The following UNC5D variants were observed in gnomAD, a reference collection of about 807,000 sequenced individuals.
The protein encoded by UNC5D is unc-5 netrin receptor D, also known as netrin receptor UNC5D.
In UNC5D, 39 loss-of-function variants were observed where a neutral mutation model predicts 105.4. The ratio of observed to expected loss-of-function variants is 0.37; its 90% confidence interval spans 0.29 to 0.48. UNC5D has a LOEUF of 0.48. Among genes scored for constraint, UNC5D ranks in the 20% least tolerant of loss-of-function variants. UNC5D has a pLI of 0.98. For synonymous variants in UNC5D, 452 were observed against 450.4 expected (o/e 1.00, Z -0.04); for missense variants, 991 against 1,202.4 (o/e 0.82, Z 2.60).
intron 4 of UNC5D, among the ~76,000 whole-genome samples, chr8:35,600,277 CTT>C (rs1819777110): frequency 6.6e-6 from 1 of 152,148 alleles, no homozygotes; most frequent in African/African-American, 2.4e-5. Flanking sequence ...GCACATGTGT[CTT>C]TATAGCAGAA....
At chr8:35,458,418 G>A (rs1195232205) in intron 1 of UNC5D, among the ~76,000 whole-genome samples, 1 of 152,132 alleles carries the variant, frequency 6.6e-6, no homozygotes, top group Admixed American at 6.6e-5. Context: ...AGTTGCAATA[G>A]TGCTCCCATT....
chr8:35,668,357 T>C (rs1318821856), intron 4 of UNC5D, among the ~76,000 whole-genome samples: 1 of 152,148 alleles, frequency 6.6e-6, no homozygotes, highest in Non-Finnish European at 1.5e-5. Flanking sequence ...GAATGCAGAA[T>C]ATATTTAATA....
rs778872436 is a variant in UNC5D, at chr8:35,726,109, T to A, written c.1304-43T>A. 5.1e-6 allele frequency: 8 copies of A among 1,571,568 alleles called. No homozygotes were observed. The East Asian group carries it at 1.6e-4, about 31-fold the overall frequency. The stretch of plus-strand genomic sequence containing the variant: ...GGCAGAAGTACAGGAGTAACTGAGA[T>A]GCCTTTTAGTTTCTGAGTGACAGAT... On this transcript the variant is annotated intron_variant, in intron 9 of 16. Transcript: ENST00000404895.
chr8:35,536,018 G>C (rs1814807567), intron 1 of UNC5D, among the ~76,000 whole-genome samples: 2 of 152,258 alleles, frequency 1.3e-5, no homozygotes, highest in South Asian at 4.1e-4. Flanking sequence ...TTTGAATCTA[G>C]CTCTGTCTTA....
At chr8:35,271,423 ATATG>A (rs1322915246) in intron 1 of UNC5D, among the ~76,000 whole-genome samples, 37 of 136,062 alleles carry the variant, frequency 2.7e-4, no homozygotes, top group Admixed American at 5.8e-4. Context: ...ATACACACAC[ATATG>A]TGTGTGTATG....
At chr8:35,567,933 G>T (rs1343374396) in intron 2 of UNC5D, among the ~76,000 whole-genome samples, 165 bp from the exon 3 acceptor site, 1 of 152,204 alleles carries the variant, frequency 6.6e-6, no homozygotes, top group African/African-American at 2.4e-5. Flanking sequence ...CTCAGCTGTT[G>T]AAATTTAATT....
At chr8:35,354,672 C>T (rs966133700) in intron 1 of UNC5D, among the ~76,000 whole-genome samples, 1 of 152,070 alleles carries the variant, frequency 6.6e-6, no homozygotes, top group South Asian at 2.1e-4. Flanking sequence ...TCTTAGTTTA[C>T]TTATGATTTT....
At chr8:35,465,047 G>A (rs1809197900) in intron 1 of UNC5D, among the ~76,000 whole-genome samples, 1 of 152,100 alleles carries the variant, frequency 6.6e-6, no homozygotes, top group South Asian at 2.1e-4. Flanking sequence ...ATCTCCTCCA[G>A]TCTACCATAC....
intron 13 of UNC5D, among the ~76,000 whole-genome samples, chr8:35,752,685 A>G (rs1478297195): frequency 3.3e-5 from 5 of 152,242 alleles, no homozygotes; most frequent in South Asian, 2.1e-4. Context: ...GAGAAAATAT[A>G]TAACAGATAT....
chr8:35,525,303 T>C, intron 1 of UNC5D: 6 of 1,612,222 alleles, frequency 3.7e-6, no homozygotes, highest in Non-Finnish European at 5.1e-6. Context: ...ACTCCCCTCT[T>C]TGCCTTTACA....
intron 1 of UNC5D, among the ~76,000 whole-genome samples, chr8:35,342,074 TTAAG>T (rs1811492879): frequency 1.3e-5 from 2 of 152,102 alleles, no homozygotes; most frequent in Admixed American, 6.6e-5. Flanking sequence ...GTGGATGCAT[TTAAG>T]TAATTTCTCC....
intron 1 of UNC5D, among the ~76,000 whole-genome samples, chr8:35,517,578 G>C (rs1303988980): frequency 6.6e-6 from 1 of 152,168 alleles, no homozygotes; most frequent in Non-Finnish European, 1.5e-5. Flanking sequence ...TCGATGCCAT[G>C]AGCTTGCAGA....
chr8:35,774,535 T>C (rs1400584574), intron 16 of UNC5D, 58 bp downstream of exon 16: 2 of 1,585,832 alleles, frequency 1.3e-6, no homozygotes, highest in Non-Finnish European at 1.7e-6. Context: ...AAACATAAAG[T>C]GGGCTAAGTG....
At chr8:35,412,064 T>G (rs1217420222) in intron 1 of UNC5D, among the ~76,000 whole-genome samples, 5 of 152,032 alleles carry the variant, frequency 3.3e-5, no homozygotes, top group Admixed American at 6.6e-5. Flanking sequence ...TTACCTGACT[T>G]TTTAAAAATC....
intron 3 of UNC5D, among the ~76,000 whole-genome samples, chr8:35,589,750 A>G (rs934647101): frequency 1.3e-5 from 2 of 152,182 alleles, no homozygotes; most frequent in African/African-American, 2.4e-5. Flanking sequence ...GAATCATACA[A>G]TAAGTGGACT....
intron 7 of UNC5D, among the ~76,000 whole-genome samples, chr8:35,691,552 A>G (rs1826393211): frequency 6.6e-6 from 1 of 152,208 alleles, no homozygotes; most frequent in African/African-American, 2.4e-5. Context: ...TTTTGGGGCA[A>G]TAACAGTGAA....
intron 4 of UNC5D, among the ~76,000 whole-genome samples, chr8:35,609,462 A>G (rs1250761418): frequency 6.6e-6 from 1 of 152,216 alleles, no homozygotes; most frequent in African/African-American, 2.4e-5. Context: ...GAATGAGAGA[A>G]GAAAGCTAAG....
At chr8:35,304,588 ATG>A (rs1395663381) in intron 1 of UNC5D, among the ~76,000 whole-genome samples, 18 of 152,180 alleles carry the variant, frequency 1.2e-4, no homozygotes, top group African/African-American at 3.6e-4. Context: ...GTATGCGTGC[ATG>A]TGTGTGTTTT....
intron 1 of UNC5D, among the ~76,000 whole-genome samples, chr8:35,463,120 G>T (rs1253153132): frequency 6.6e-6 from 1 of 152,102 alleles, no homozygotes; most frequent in Non-Finnish European, 1.5e-5. Context: ...TTTCCAATTG[G>T]ATTTGTGTCT....
Sources: gnomAD v4.1 joint callset for allele counts (sites outside exome capture counted in the v4.1 genomes callset) on GRCh38, gnomAD v4.1.1 for gene constraint, MANE v1.5 for transcripts, NCBI Gene and HGNC (gene_info 2026-07-23, HGNC 2026-07-21) for gene names.